The following CAMTA1 variants were observed in gnomAD, a reference collection of about 807,000 sequenced individuals.
CAMTA1 encodes the protein calmodulin binding transcription activator 1.
CAMTA1 carries 27 observed loss-of-function variants against 170.9 expected under a neutral mutation model. The ratio of observed to expected loss-of-function variants is 0.16; its 90% confidence interval spans 0.12 to 0.22. CAMTA1 has a LOEUF of 0.22. Among genes scored for constraint, CAMTA1 ranks in the 10% least tolerant of loss-of-function variants. The pLI, the probability that CAMTA1 is intolerant of heterozygous loss-of-function variation, is 1.00. For missense variants in CAMTA1, 1,619 were observed against 2,217.2 expected, an observed-to-expected ratio of 0.73 and a Z score of 5.42; for synonymous variants, 833 against 891.5, an observed-to-expected ratio of 0.93 and a Z score of 1.17.
chr1:7,462,422 C>T (rs1211779662), intron 5 of CAMTA1, among the ~76,000 whole-genome samples: 2 of 152,256 alleles, frequency 1.3e-5, no homozygotes, highest in South Asian at 2.1e-4. Context: ...CATGCCATCA[C>T]GCCGGCTAAT....
chr1:7,575,245 G>T (rs1576170452), intron 6 of CAMTA1, among the ~76,000 whole-genome samples: 1 of 152,270 alleles, frequency 6.6e-6, no homozygotes, highest in East Asian at 1.9e-4. Flanking sequence ...AAGCCCAAGG[G>T]ACTCAGTAGC....
intron 4 of CAMTA1, among the ~76,000 whole-genome samples, chr1:7,095,319 G>A (rs958430894): frequency 6.6e-6 from 1 of 152,184 alleles, no homozygotes; most frequent in Non-Finnish European, 1.5e-5. Flanking sequence ...AGAAAGGTGA[G>A]CCTGAGTGTT....
At chr1:7,341,976 G>C (rs1175755685) in intron 5 of CAMTA1, among the ~76,000 whole-genome samples, 2 of 152,218 alleles carry the variant, frequency 1.3e-5, no homozygotes, top group Admixed American at 1.3e-4. Flanking sequence ...ACCATGGAGT[G>C]GGGCCTGCTC....
In CAMTA1 at chr1:7,224,549, G is replaced by T. The variant is rs1233243481; in HGVS notation, c.303-24942G>T. On this transcript the variant is annotated intron_variant, in intron 4 of 22. Coordinates refer to ENST00000303635, the MANE Select transcript of CAMTA1 (RefSeq NM_015215.4). The surrounding 1 kb of genome is among the most constrained non-coding windows in gnomAD (Gnocchi z 5.2). ...TTATTATTTTTCAGGAATCTGCTGT[G>T]TACGGGTTTTATTTTTAAATGTCAT... Among the ~76,000 whole-genome samples the T allele has an allele frequency of 2.0e-5, 3 of 152,198 alleles. No individual in the cohort carries two copies. The highest frequency in any genetic ancestry group is 2.9e-5 in the Non-Finnish European group (2 of 68,032).
chr1:7,507,036 TCA>T (rs889822789), intron 6 of CAMTA1, among the ~76,000 whole-genome samples: 9 of 149,348 alleles, frequency 6.0e-5, no homozygotes. Flanking sequence ...AAACTCATGC[TCA>T]CATTATCACA....
chr1:7,766,041 A>C (rs200024239), intron 22 of CAMTA1, among the ~76,000 whole-genome samples: 213 of 147,482 alleles, frequency 1.4e-3, no homozygotes, highest in East Asian at 2.4e-3. Context: ...AAAAAAAAAA[A>C]AAAACTAAAT....
intron 6 of CAMTA1, among the ~76,000 whole-genome samples, chr1:7,529,599 T>C (rs1460102888): frequency 6.6e-6 from 1 of 152,142 alleles, no homozygotes; most frequent in African/African-American, 2.4e-5. Context: ...CGAGTCCACG[T>C]TCCCTGCTCC....
chr1:7,358,100 T>C (rs1020921072), intron 5 of CAMTA1, among the ~76,000 whole-genome samples: 15 of 152,290 alleles, frequency 9.8e-5, no homozygotes, highest in South Asian at 2.1e-4. Context: ...ACAGCCCATA[T>C]TTCCCAGTTC....
At chr1:7,487,556 G>A (rs150099018) in intron 6 of CAMTA1, among the ~76,000 whole-genome samples, 1,664 of 152,290 alleles carry the variant, frequency 0.011, 37 homozygotes, top group African/African-American at 0.038. Flanking sequence ...CGTCCATGGA[G>A]GACCTGCCCG....
intron 1 of CAMTA1, among the ~76,000 whole-genome samples, chr1:6,800,368 C>T (rs931163454): frequency 3.3e-5 from 5 of 152,062 alleles, no homozygotes; most frequent in Non-Finnish European, 5.9e-5. Context: ...GATCACGCCA[C>T]TGCACTCCAG....
chr1:6,973,947 G>GTCAGGACC (rs1177178853), intron 3 of CAMTA1, among the ~76,000 whole-genome samples: 1 of 152,250 alleles, frequency 6.6e-6, no homozygotes, highest in African/African-American at 2.4e-5. Flanking sequence ...AACTTCCTCT[G>GTCAGGACC]TCAGGACCCA....
intron 5 of CAMTA1, among the ~76,000 whole-genome samples, chr1:7,304,942 C>CA (rs199903361): frequency 0.031 from 4,729 of 151,766 alleles, 90 homozygotes; most frequent in Non-Finnish European, 0.052. Context: ...TCCAAAATTA[C>CA]AAAAAAATGT....
intron 3 of CAMTA1, among the ~76,000 whole-genome samples, chr1:7,086,119 G>A (rs940479323): frequency 1.3e-5 from 2 of 152,086 alleles, no homozygotes; most frequent in African/African-American, 4.8e-5. Context: ...CTTGGCGGCC[G>A]TTTTTCTACT....
At chr1:7,156,781 A>G (rs1282077149) in intron 4 of CAMTA1, among the ~76,000 whole-genome samples, 1 of 152,166 alleles carries the variant, frequency 6.6e-6, no homozygotes, top group Non-Finnish European at 1.5e-5. Context: ...GATGACCCGG[A>G]TGGGCTCATA....
chr1:6,961,211 C>T (rs1690339021), intron 3 of CAMTA1, among the ~76,000 whole-genome samples: 1 of 152,178 alleles, frequency 6.6e-6, no homozygotes. Context: ...TGTTGTAAGC[C>T]GTGGAAACCA....
chr1:7,490,302 T>C (rs1384871906), intron 6 of CAMTA1, among the ~76,000 whole-genome samples: 1 of 152,184 alleles, frequency 6.6e-6, no homozygotes, highest in Non-Finnish European at 1.5e-5. Context: ...GCCGCGGGCA[T>C]CGATTGCCCA....
intron 3 of CAMTA1, among the ~76,000 whole-genome samples, chr1:6,898,462 A>G (rs1571493655): frequency 6.6e-6 from 1 of 152,202 alleles, no homozygotes; most frequent in Non-Finnish European, 1.5e-5. Context: ...CTGAGGCAGG[A>G]GAATGGTGTG....
rs954585976 is a variant in CAMTA1 at position 7,248,247 on chromosome 1, G to T, written c.303-1244G>T. ...TTGTTCGTAGCAAGAAGAAAAGAAA[G>T]GCGCTGGAGGGTCTTGCCCCAGCCC... On this transcript the variant is annotated intron_variant, in intron 4 of 22. Coordinates refer to ENST00000303635, the MANE Select transcript of CAMTA1 (RefSeq NM_015215.4). The surrounding 1 kb of genome is among the most constrained non-coding windows in gnomAD (Gnocchi z 4.0). 6.6e-6 allele frequency among the ~76,000 whole-genome samples: 1 copy of T among 152,188 alleles called. No individual in the cohort carries two copies. The highest frequency in any genetic ancestry group is 1.5e-5 in the Non-Finnish European group (1 of 68,036).
At chr1:7,205,610 C>T (rs1406860653) in intron 4 of CAMTA1, among the ~76,000 whole-genome samples, 1 of 152,172 alleles carries the variant, frequency 6.6e-6, no homozygotes, top group African/African-American at 2.4e-5. Context: ...ATAACAACTC[C>T]AACTTTGTGT....
Sources: allele counts gnomAD v4.1 joint callset (sites outside exome capture counted in the v4.1 genomes callset), GRCh38; gene constraint gnomAD v4.1.1; non-coding constraint Gnocchi (gnomAD v3.1); transcripts MANE v1.5; gene names NCBI Gene and HGNC (gene_info 2026-07-23, HGNC 2026-07-21).